TMOD4: variants seen among roughly 807,000 people sequenced by gnomAD.
TMOD4 encodes tropomodulin 4.
A neutral mutation model predicts 45.4 loss-of-function variants in TMOD4; 34 were observed. The ratio of observed to expected loss-of-function variants is 0.75; its 90% CI spans 0.57 to 1.00. The LOEUF (loss-of-function observed/expected upper bound fraction) is 1.00. Ranked by LOEUF, TMOD4 falls within the 50% of genes least tolerant of loss-of-function variation. TMOD4 has a pLI of 0.00. For missense variants in TMOD4, 399 were observed against 437.5 expected, an observed-to-expected ratio of 0.91 and a Z score of 0.78; for synonymous variants, 131 against 153.9, an observed-to-expected ratio of 0.85 and a Z score of 1.10.
chr1:151,173,506 G>A lies in TMOD4; in HGVS notation c.390C>T (p.Asp130=), dbSNP rs1219448172. ...LAHATDAEMC[D]IAAILDMYTL... ...CTTCCCACAGCTACCCACCTGCAAT[G>A]TCACACATTTCAGCATCTGTGGCAT... Residue 130 remains aspartate, a synonymous_variant, in exon 4 of 10, where the codon GAC becomes GAT. Transcript: ENST00000295314. The A allele has an allele frequency of 6.2e-7, 1 of 1,613,542 alleles. No individual in the cohort carries two copies. The highest frequency in any genetic ancestry group is 2.2e-5 in the East Asian group (1 of 44,878).
intron 7 of TMOD4, 43 bp from the exon 8 acceptor site, chr1:151,171,106 CAG>C: frequency 6.2e-7 from 1 of 1,601,872 alleles, no homozygotes; most frequent in Non-Finnish European, 8.5e-7. Context: ...AACAGTTTCA[CAG>C]ATGACTGAGG....
chr1:151,172,192 C>T (rs1054318730), intron 5 of TMOD4, 76 bp downstream of exon 5: 1 of 1,214,816 alleles, frequency 8.2e-7, no homozygotes, highest in African/African-American at 1.5e-5. Flanking sequence ...ATCAATTTCA[C>T]CCTTTTCTAC....
Position 151,173,569 on chromosome 1 carries a change from C to A in TMOD4, c.327G>T (p.Gln109His). 1 of 1,614,230 alleles carries A rather than the reference C, an allele frequency of 6.2e-7. No homozygotes were observed. Among genetic ancestry groups the A allele is most frequent in the South Asian group, 1.1e-5 (1 of 91,088 alleles). ...CCTCCAGCTCAGGCTCCAGGGTGAT[C>A]TGCTCCTCTGCTGGGATTTCCCTCT... ...QPKREIPAEE[Q>H]ITLEPELEEA... is the part of the protein sequence containing the mutation. The change falls in exon 4 of 10, where the codon CAG (glutamine) becomes CAT (histidine). Residue 109 changes from glutamine to histidine, a missense_variant. Physicochemically the swap from Gln to His is conservative, Grantham distance 24. Coordinates refer to ENST00000295314, the MANE Select transcript of TMOD4 (RefSeq NM_013353.3).
rs138550674 is a variant in TMOD4, at chr1:151,170,201, T to C, written c.1016-98A>G. The C allele has an allele frequency of 6.9e-4, 1,005 of 1,462,690 alleles. 6 individuals carry two copies. The African/African-American group carries it at 0.011, about 16-fold the overall frequency. The allele number at this position is 1,462,690 out of a possible 1,614,324, so 90.6% of individuals were successfully genotyped here. A position where few individuals can be genotyped will look rare whatever the true frequency, so the allele number is the denominator to read the frequency against. ...CCAGTCCCTTAGCCAAACTCATAAA[T>C]TGGTAGTGTCTTAGGCCACCTTACA... On this transcript the variant is annotated intron_variant, in intron 9 of 9. Coordinates refer to ENST00000295314, the MANE Select transcript of TMOD4 (RefSeq NM_013353.3).
At chr1:151,173,467 C>G (rs778950683) in intron 4 of TMOD4, 32 bp downstream of exon 4, 286 of 1,560,968 alleles carry the variant, frequency 1.8e-4, no homozygotes, top group Non-Finnish European at 2.2e-4. Context: ...TGCCCCTGAT[C>G]CTCTCACCCT....
In TMOD4 at chr1:151,170,982, T is replaced by A. The variant is rs766778167; in HGVS notation, c.808A>T (p.Met270Leu). 1.2e-6 allele frequency: 2 copies of A among 1,614,082 alleles called. No individual in the cohort carries two copies. Among genetic ancestry groups the A allele is most frequent in the African/African-American group, 2.7e-5 (2 of 74,914 alleles). Residue 270 changes from methionine (M) to leucine (L), a missense_variant, in exon 8 of 10, where the codon ATG (methionine) becomes TTG (leucine). Coordinates refer to ENST00000295314, the MANE Select transcript of TMOD4 (RefSeq NM_013353.3). ...ESNFISSTGL[M>L]AVLKAVRENA... ...TCCCGAACTGCCTTCAGCACAGCCA[T>A]GAGTCCTGTGCTGCTAATGAAGTTG...
chr1:151,174,449 T>A lies in TMOD4; in HGVS notation c.222A>T (p.Gln74His). Residue 74 changes from glutamine (Q) to histidine (H), a missense_variant, in exon 3 of 10, where the codon CAA (glutamine) becomes CAT (histidine). Gln to His is a conservative substitution (Grantham distance 24). Coordinates refer to ENST00000295314, the MANE Select transcript of TMOD4 (RefSeq NM_013353.3). ...DREALLQYLE[Q>H]QALEVKERDD... ...CACGCTCTTTGACTTCTAGTGCCTGTTGCTCCAAGTACTGCAAAAGGGCCT... is the reference window on the plus strand; with the variant it reads ...CACGCTCTTTGACTTCTAGTGCCTGATGCTCCAAGTACTGCAAAAGGGCCT... 1 of 1,614,178 alleles carries A rather than the reference T, an allele frequency of 6.2e-7. No homozygotes were observed.
intron 4 of TMOD4, among the ~76,000 whole-genome samples, 175 bp from the exon 5 acceptor site, chr1:151,172,532 G>T (rs1683992606): frequency 6.6e-6 from 1 of 152,156 alleles, no homozygotes. Context: ...TCTTAAGGCA[G>T]TAGTTTCTAA....
intron 3 of TMOD4, among the ~76,000 whole-genome samples, chr1:151,173,958 G>A (rs1369739678): frequency 1.3e-5 from 2 of 152,040 alleles, no homozygotes; most frequent in Non-Finnish European, 2.9e-5. Context: ...GCTCATGCCT[G>A]TAATCCCAGC....
At chr1:151,171,837 T>A in intron 5 of TMOD4, 74 bp from the exon 6 acceptor site, 1 of 1,494,468 alleles carries the variant, frequency 6.7e-7, no homozygotes, top group Non-Finnish European at 8.9e-7. Flanking sequence ...TCTTTTCTTT[T>A]CTTTTTTTTT....
At position 151,174,876 on chromosome 1, in the gene TMOD4, G is replaced by C. The variant is rs984385838; in HGVS notation, c.-1C>G. 23 of 1,613,970 alleles carry C rather than the reference G, an allele frequency of 1.4e-5. No individual in the cohort carries two copies. Among genetic ancestry groups the C allele is most frequent in the Non-Finnish European group, 1.7e-5 (20 of 1,180,012 alleles). On this transcript the variant is annotated 5_prime_UTR_variant, in exon 2 of 10. Transcript: ENST00000295314. ...CCAGTTCCTTCTGATATGATGACAT[G>C]GTGGCCCCCACCCCCTCCCCACTGT...
In TMOD4 at chr1:151,171,724, T is replaced by C. The variant is rs759836935; in HGVS notation, c.527A>G (p.Glu176Gly). The C allele has an allele frequency of 5.0e-6, 8 of 1,614,136 alleles. No homozygotes were observed. The highest frequency in any genetic ancestry group is 6.8e-6 in the Non-Finnish European group (8 of 1,180,020). Reference protein sequence around the residue: ...QPDKYKPVPDEPPNPTNIEEI... With the variant: ...QPDKYKPVPDGPPNPTNIEEI... ...CTCAATGTTTGTGGGATTTGGGGGT[T>C]CATCCGGCACTGGCTTATACTTGTC... Residue 176 changes from glutamate (E) to glycine (G), a missense_variant, in exon 6 of 10, where the codon GAA becomes GGA. By Grantham distance (98) the Glu-to-Gly change is moderately conservative. Transcript: ENST00000295314.
intron 3 of TMOD4, 121 bp from the exon 4 acceptor site, chr1:151,173,736 G>A: frequency 2.7e-6 from 2 of 730,246 alleles, no homozygotes; most frequent in South Asian, 3.2e-5. Flanking sequence ...TGGAAAGCCT[G>A]AGTCCTCTAC....
chr1:151,171,786 G>A (rs587702944), intron 5 of TMOD4, 23 bp from the exon 6 acceptor site: 1 of 1,609,342 alleles, frequency 6.2e-7, no homozygotes, highest in African/African-American at 1.3e-5. Flanking sequence ...GGCAGGAAGG[G>A]AACCCCAACA....
rs781210481 is a variant in TMOD4 at position 151,174,745 on chromosome 1, G to T, written c.123+8C>A. On this transcript the variant is annotated splice_region_variant and intron_variant, in intron 2 of 9. Transcript: ENST00000295314. The stretch of plus-strand genomic sequence containing the variant: ...ACTGCCTCTGGTTCCCTGTGCTGGA[G>T]CCCCTACCTCAGGATCCATCTCCTG... 6.2e-7 allele frequency: 1 copy of T among 1,613,446 alleles called. No individual in the cohort carries two copies. Among genetic ancestry groups the T allele is most frequent in the Non-Finnish European group, 8.5e-7 (1 of 1,180,024 alleles).
rs148768361 is a variant in TMOD4, at chr1:151,171,561, A to T, written c.619-21T>A. On this transcript the variant is annotated intron_variant, in intron 6 of 9. Transcript: ENST00000295314. ...ATGTCCTATCGGAGGGGAATAGGAG[A>T]TGGTGGGCTAAGGGACTCTCGGATG... 29 of 1,613,910 alleles carry T rather than the reference A, an allele frequency of 1.8e-5. No homozygotes were observed. In the South Asian group the frequency reaches 2.9e-4, roughly 16 times the overall value.
At chr1:151,170,279 T>C in intron 9 of TMOD4, 176 bp from the exon 10 acceptor site, 1 of 854,002 alleles carries the variant, frequency 1.2e-6, no homozygotes, top group South Asian at 1.7e-5. Context: ...CAAATAAAAT[T>C]ACGATACCTC....
At chr1:151,174,939 G>C in intron 1 of TMOD4, 22 bp from the exon 2 acceptor site, 2 of 1,602,612 alleles carry the variant, frequency 1.2e-6, no homozygotes, top group Non-Finnish European at 1.7e-6. Flanking sequence ...GGGACAAAAG[G>C]ATGGACAATG....
At chr1:151,174,702 C>T in intron 2 of TMOD4, 51 bp downstream of exon 2, 1 of 1,611,810 alleles carries the variant, frequency 6.2e-7, no homozygotes, top group South Asian at 1.1e-5. Context: ...AGCCCAACAC[C>T]CTTCCCAAAT....
Sources: gnomAD v4.1 joint callset for allele counts (sites outside exome capture counted in the v4.1 genomes callset) on GRCh38, gnomAD v4.1.1 for gene constraint, MANE v1.5 for transcripts, NCBI Gene and HGNC (gene_info 2026-07-23, HGNC 2026-07-21) for gene names.